UBR3: variants seen among roughly 807,000 people sequenced by gnomAD.
UBR3 encodes the protein ubiquitin protein ligase E3 component n-recognin 3, also known as E3 ubiquitin-protein ligase UBR3.
A neutral mutation model predicts 243.2 loss-of-function variants in UBR3; 85 were observed. The observed-to-expected ratio is 0.35, with a 90% CI of 0.29 to 0.42. The LOEUF is 0.42. UBR3 is among the 10% of genes least tolerant of loss of function. The pLI is 1.00. For missense variants in UBR3, 1,686 were observed against 2,300.8 expected, an observed-to-expected ratio of 0.73 and a Z score of 5.47; for synonymous variants, 748 against 799.8, an observed-to-expected ratio of 0.94 and a Z score of 1.09.
intron 1 of UBR3, among the ~76,000 whole-genome samples, chr2:169,838,387 T>TTGTGTGTGTGTGTGTG (rs544974959): frequency 8.7e-6 from 1 of 114,392 alleles, no homozygotes; most frequent in Non-Finnish European, 1.9e-5. Flanking sequence ...ATTAAGGCAT[T>TTGTGTGTGTGTGTGTG]TGTGTGTGTG....
rs533719174 is a variant in UBR3, at chr2:169,961,741, GATT to G, written c.3634+3218_3634+3220del. 1.7e-4 allele frequency among the ~76,000 whole-genome samples: 26 copies of G among 152,114 alleles called. No homozygotes were observed. In the South Asian group the frequency reaches 3.3e-3, roughly 19 times the overall value. On this transcript the variant is annotated intron_variant, in intron 24 of 38. Transcript: ENST00000272793. ...TTTTCCTTTCCTGTGACACATTTGTGATTATCTGATCCTTAGAGATCTGAAGTT... is the reference window on the plus strand; with the variant it reads ...TTTTCCTTTCCTGTGACACATTTGTGATCTGATCCTTAGAGATCTGAAGTT...
Position 169,950,051 on chromosome 2 carries a change from G to A in UBR3, c.3531G>A (p.Leu1177=). 6.5e-7 allele frequency: 1 copy of A among 1,550,090 alleles called. No homozygotes were observed. The highest frequency in any genetic ancestry group is 1.2e-5 in the South Asian group (1 of 81,214). ...KKVTAAEKKT[L]DKEERRQKAR... ...TCACTGCAGCAGAGAAGAAAACATTGGACAAAGAAGAAAGGTAATTTTTAT... is the reference window on the plus strand; with the variant it reads ...TCACTGCAGCAGAGAAGAAAACATTAGACAAAGAAGAAAGGTAATTTTTAT... Residue 1177 remains leucine (L), a synonymous_variant, in exon 23 of 39, where the codon TTG becomes TTA. Coordinates refer to ENST00000272793, the MANE Select transcript of UBR3 (RefSeq NM_172070.4).
intron 24 of UBR3, among the ~76,000 whole-genome samples, chr2:169,974,052 T>A (rs933068560): frequency 2.0e-5 from 3 of 152,224 alleles, no homozygotes; most frequent in Admixed American, 6.5e-5. Context: ...TCACATTTGA[T>A]CATGGTGAGT....
intron 36 of UBR3, among the ~76,000 whole-genome samples, chr2:170,079,456 CT>C (rs1283419606): frequency 6.6e-6 from 1 of 152,136 alleles, no homozygotes; most frequent in Admixed American, 6.5e-5. Flanking sequence ...AAATACGTAA[CT>C]TTTAAAAACC....
At chr2:169,939,686 C>T (rs537480984) in intron 19 of UBR3, among the ~76,000 whole-genome samples, 7 of 152,092 alleles carry the variant, frequency 4.6e-5, no homozygotes, top group South Asian at 2.1e-4. Flanking sequence ...ACCTCAGCCT[C>T]CTGAGTAGCT....
chr2:170,026,766 C>T (rs17634079), intron 30 of UBR3, among the ~76,000 whole-genome samples: 8,948 of 152,036 alleles, frequency 0.059, 321 homozygotes, highest in Non-Finnish European at 0.086. Flanking sequence ...AATATGCTTT[C>T]GTGATATAAT....
intron 1 of UBR3, among the ~76,000 whole-genome samples, chr2:169,861,192 A>G (rs145471193): frequency 3.9e-5 from 6 of 152,310 alleles, no homozygotes; most frequent in East Asian, 1.9e-4. Flanking sequence ...TCCTTGGGCA[A>G]TACTCTCACA....
At chr2:170,044,799 A>G (rs1324061085) in intron 32 of UBR3, among the ~76,000 whole-genome samples, 1 of 152,180 alleles carries the variant, frequency 6.6e-6, no homozygotes, top group Non-Finnish European at 1.5e-5. Context: ...GTAGCTGCTA[A>G]GAGTTCTAGC....
At chr2:170,042,763 C>T (rs1349031362) in intron 32 of UBR3, among the ~76,000 whole-genome samples, 1 of 142,404 alleles carries the variant, frequency 7.0e-6, no homozygotes, top group African/African-American at 2.6e-5. Context: ...AGTGGAATTG[C>T]TGGATCATAT....
At chr2:169,978,260 G>A (rs1249327003) in intron 24 of UBR3, among the ~76,000 whole-genome samples, 1 of 152,176 alleles carries the variant, frequency 6.6e-6, no homozygotes, top group Non-Finnish European at 1.5e-5. Flanking sequence ...AGTACCAGTA[G>A]CAGCGCTGGG....
intron 19 of UBR3, among the ~76,000 whole-genome samples, chr2:169,933,880 T>TAACAACAACAAC (rs67099094): frequency 3.3e-4 from 50 of 151,386 alleles, no homozygotes; most frequent in South Asian, 8.3e-4. Flanking sequence ...TTTAAATCAA[T>TAACAACAACAAC]AACAACAACA....
chr2:170,015,751 T>G lies in UBR3; in HGVS notation c.4453+385T>G, dbSNP rs180809696. ...CTATTATATTATTGCTATTAAGATA[T>G]TTGTGCTATATTTTGATGTGTATAT... On this transcript the variant is annotated intron_variant, in intron 30 of 38. Coordinates refer to ENST00000272793, the MANE Select transcript of UBR3 (RefSeq NM_172070.4). Among the ~76,000 whole-genome samples, 13 of 152,068 alleles carry G rather than the reference T, an allele frequency of 8.5e-5. No homozygotes were observed. The East Asian group carries it at 2.5e-3, about 29-fold the overall frequency.
chr2:169,902,184 A>G (rs955550329), intron 8 of UBR3, among the ~76,000 whole-genome samples: 1 of 152,206 alleles, frequency 6.6e-6, no homozygotes, highest in Non-Finnish European at 1.5e-5. Context: ...TATAGCACAC[A>G]TTACCAACTC....
At chr2:169,909,741 G>GTGTA (rs138321611) in intron 10 of UBR3, among the ~76,000 whole-genome samples, 165 of 149,624 alleles carry the variant, frequency 1.1e-3, no homozygotes, top group Middle Eastern at 0.01. Flanking sequence ...GTGTGTGTGT[G>GTGTA]TATATATATA....
chr2:169,883,365 C>T (rs145059732), intron 5 of UBR3, among the ~76,000 whole-genome samples: 1 of 152,280 alleles, frequency 6.6e-6, no homozygotes, highest in Non-Finnish European at 1.5e-5. Flanking sequence ...CTTACTTCTC[C>T]CAGGCCAACA....
chr2:170,079,553 A>T (rs1022804075), intron 36 of UBR3, among the ~76,000 whole-genome samples: 1 of 152,192 alleles, frequency 6.6e-6, no homozygotes, highest in Admixed American at 6.5e-5. Context: ...TTAAAGTAAT[A>T]ACAAGTTTAA....
intron 1 of UBR3, among the ~76,000 whole-genome samples, chr2:169,870,042 A>G (rs1574084974): frequency 1.3e-5 from 2 of 151,956 alleles, no homozygotes; most frequent in Admixed American, 1.3e-4. Context: ...TAGGCTTTCT[A>G]TATTCTGAGA....
intron 24 of UBR3, chr2:169,964,873 A>G (rs1398831880): frequency 2.2e-6 from 1 of 456,804 alleles, no homozygotes; most frequent in Non-Finnish European, 4.4e-6. Flanking sequence ...GGCAAATATG[A>G]TTGCTAGCAA....
chr2:169,977,880 T>A (rs2088530634), intron 24 of UBR3, among the ~76,000 whole-genome samples: 1 of 152,330 alleles, frequency 6.6e-6, no homozygotes. Context: ...TTTTTCATGT[T>A]TCTTATGTCA....
Sources: gnomAD v4.1 joint callset for allele counts (sites outside exome capture counted in the v4.1 genomes callset) on GRCh38, gnomAD v4.1.1 for gene constraint, MANE v1.5 for transcripts, NCBI Gene and HGNC (gene_info 2026-07-23, HGNC 2026-07-21) for gene names.